The following AFG1L variants were observed in gnomAD, a reference collection of about 807,000 sequenced individuals.
AFG1L encodes the protein AFG1 like ATPase.
AFG1L carries 53 observed loss-of-function variants against 62.2 expected under a neutral mutation model. The observed-to-expected ratio is 0.85, with a 90% CI of 0.68 to 1.07. AFG1L has a LOEUF of 1.07. Ranked by LOEUF, AFG1L falls within the 50% of genes least tolerant of loss-of-function variation. The pLI, the probability that AFG1L is intolerant of heterozygous loss-of-function variation, is 0.00. For synonymous variants in AFG1L, 228 were observed against 210.3 expected, an observed-to-expected ratio of 1.08 and a Z score of -0.73; for missense variants, 555 against 590.5, an observed-to-expected ratio of 0.94 and a Z score of 0.62.
intron 6 of AFG1L, among the ~76,000 whole-genome samples, chr6:108,383,221 A>G (rs1481581767): frequency 2.6e-5 from 4 of 152,240 alleles, no homozygotes; most frequent in Non-Finnish European, 5.9e-5. Context: ...CAACAGAGCG[A>G]GTCTGTCTGA....
chr6:108,514,714 A>C (rs1482318170), intron 11 of AFG1L, among the ~76,000 whole-genome samples: 1 of 152,234 alleles, frequency 6.6e-6, no homozygotes, highest in Non-Finnish European at 1.5e-5. Context: ...AATTGGATAA[A>C]GATTCAAGAC....
intron 1 of AFG1L, among the ~76,000 whole-genome samples, chr6:108,314,408 T>G (rs994362301): frequency 5.3e-5 from 8 of 151,752 alleles, no homozygotes; most frequent in Non-Finnish European, 1.0e-4. Context: ...TTTTTTTTTT[T>G]TTTTAAGAGA....
intron 6 of AFG1L, among the ~76,000 whole-genome samples, chr6:108,377,749 A>T (rs915706641): frequency 4.6e-5 from 7 of 151,174 alleles, no homozygotes; most frequent in Non-Finnish European, 1.0e-4. Flanking sequence ...TGTATATAGT[A>T]TCTTGCAGGT....
intron 10 of AFG1L, among the ~76,000 whole-genome samples, chr6:108,504,066 G>A (rs1363598095): frequency 6.6e-6 from 1 of 152,218 alleles, no homozygotes; most frequent in African/African-American, 2.4e-5. Context: ...CTTCTATCTA[G>A]ACCACTCAGA....
At chr6:108,401,549 G>A (rs1250883963) in intron 6 of AFG1L, among the ~76,000 whole-genome samples, 3 of 152,074 alleles carry the variant, frequency 2.0e-5, no homozygotes, top group Non-Finnish European at 4.4e-5. Context: ...CAAAGTGCTA[G>A]GATTACAGGC....
chr6:108,380,710 T>TCTGGGAAAATGCCTGCAGCATTTC (rs1780466918), intron 6 of AFG1L, among the ~76,000 whole-genome samples: 1 of 152,178 alleles, frequency 6.6e-6, no homozygotes, highest in Admixed American at 6.5e-5. Context: ...CAGTCTCAGA[T>TCTGGGAAAATGCCTGCAGCATTTC]CTGGGAAAAT....
intron 6 of AFG1L, among the ~76,000 whole-genome samples, chr6:108,384,343 A>G (rs1780674846): frequency 6.6e-6 from 1 of 152,218 alleles, no homozygotes. Context: ...CCCCTGCCCA[A>G]ATCTCAGACT....
At chr6:108,382,651 G>A (rs187050784) in intron 6 of AFG1L, among the ~76,000 whole-genome samples, 2 of 152,286 alleles carry the variant, frequency 1.3e-5, no homozygotes, top group Admixed American at 1.3e-4. Context: ...CCAAATGTAT[G>A]TATCTTAGTT....
chr6:108,449,978 C>T lies in AFG1L; in HGVS notation c.890+2682C>T, dbSNP rs534926070. 2.6e-5 allele frequency among the ~76,000 whole-genome samples: 4 copies of T among 152,326 alleles called. No individual in the cohort carries two copies. In the South Asian group the frequency reaches 8.3e-4, roughly 32 times the overall value. Reference sequence around the variant, plus strand: ...AGTATTCCATGGTGTACATGTGCCACATTTTCTTAATCCAGTCTATCATTG... The same window carrying T: ...AGTATTCCATGGTGTACATGTGCCATATTTTCTTAATCCAGTCTATCATTG... On this transcript the variant is annotated intron_variant, in intron 8 of 12. Transcript: ENST00000368977.
chr6:108,448,070 G>A (rs1182594630), intron 8 of AFG1L, among the ~76,000 whole-genome samples: 1 of 152,152 alleles, frequency 6.6e-6, no homozygotes, highest in East Asian at 1.9e-4. Flanking sequence ...AAAAGTTCTT[G>A]TCTCTGCCAC....
At chr6:108,319,781 T>A (rs749417117) in intron 1 of AFG1L, 3 of 438,718 alleles carry the variant, frequency 6.8e-6, no homozygotes, top group South Asian at 4.9e-5. Context: ...GCCTCAACTT[T>A]AAAAAATTAG....
At chr6:108,297,100 A>G in intron 1 of AFG1L, among the ~76,000 whole-genome samples, 1 of 151,910 alleles carries the variant, frequency 6.6e-6, no homozygotes, top group Non-Finnish European at 1.5e-5. Flanking sequence ...CTTTATTTTT[A>G]TTTTGTTTAT....
chr6:108,476,946 TA>T lies in AFG1L; in HGVS notation c.961+13del. On this transcript the variant is annotated intron_variant, in intron 9 of 12. Coordinates refer to ENST00000368977, the MANE Select transcript of AFG1L (RefSeq NM_145315.5). The stretch of plus-strand genomic sequence containing the variant: ...AGAAACAAAATGATTGTACGTAAGT[TA>T]ATTTCTCTTGAAAGAGAATACATTT... The T allele has an allele frequency of 6.2e-7, 1 of 1,609,514 alleles. No homozygotes were observed. Among genetic ancestry groups the T allele is most frequent in the Non-Finnish European group, 8.5e-7 (1 of 1,175,842 alleles).
intron 7 of AFG1L, among the ~76,000 whole-genome samples, chr6:108,416,060 C>CA (rs1241681928): frequency 6.6e-6 from 1 of 152,094 alleles, no homozygotes; most frequent in Non-Finnish European, 1.5e-5. Flanking sequence ...ACAAAGAACT[C>CA]AAACAAATTT....
chr6:108,333,943 T>A (rs1327214230), intron 2 of AFG1L, among the ~76,000 whole-genome samples: 1 of 152,234 alleles, frequency 6.6e-6, no homozygotes, highest in African/African-American at 2.4e-5. Flanking sequence ...GTTTGTAATA[T>A]TCCATTGTGA....
At chr6:108,320,248 A>G (rs1205251242) in intron 1 of AFG1L, among the ~76,000 whole-genome samples, 1 of 152,194 alleles carries the variant, frequency 6.6e-6, no homozygotes, top group East Asian at 1.9e-4. Context: ...CATGGAGGCT[A>G]TACATTGATT....
intron 6 of AFG1L, among the ~76,000 whole-genome samples, chr6:108,369,382 G>T (rs1394339739): frequency 6.6e-6 from 1 of 152,142 alleles, no homozygotes; most frequent in Non-Finnish European, 1.5e-5. Flanking sequence ...GTGAATGACA[G>T]AACAAAGACT....
At chr6:108,328,171 A>G (rs1006696699) in intron 2 of AFG1L, among the ~76,000 whole-genome samples, 5 of 152,270 alleles carry the variant, frequency 3.3e-5, no homozygotes, top group Admixed American at 3.3e-4. Context: ...ATATAGGGAT[A>G]TATTTGCATA....
At chr6:108,484,813 A>G (rs1773460437) in intron 10 of AFG1L, among the ~76,000 whole-genome samples, 1 of 152,252 alleles carries the variant, frequency 6.6e-6, no homozygotes, top group Non-Finnish European at 1.5e-5. Context: ...TATACATAAA[A>G]GAAAAAGTGA....
Sources: gnomAD v4.1 joint callset for allele counts (sites outside exome capture counted in the v4.1 genomes callset) on GRCh38, gnomAD v4.1.1 for gene constraint, MANE v1.5 for transcripts, NCBI Gene and HGNC (gene_info 2026-07-23, HGNC 2026-07-21) for gene names.